YEATS4: variants seen among roughly 807,000 people sequenced by gnomAD.
YEATS4 encodes the protein YEATS domain-containing protein 4.
YEATS4 carries 17 observed loss-of-function variants against 30.1 expected under a neutral mutation model. The ratio of observed to expected loss-of-function variants is 0.56; its 90% CI spans 0.39 to 0.85. The LOEUF (loss-of-function observed/expected upper bound fraction) is 0.85. Among genes scored for constraint, YEATS4 ranks in the 40% least tolerant of loss-of-function variants. The pLI is 0.00. For missense variants in YEATS4, 142 were observed against 268.3 expected, an observed-to-expected ratio of 0.53 and a Z score of 3.29; for synonymous variants, 85 against 87.5, an observed-to-expected ratio of 0.97 and a Z score of 0.16.
the YEATS4 span, among the ~76,000 whole-genome samples, chr12:69,414,835 T>C: frequency 6.6e-6 from 1 of 152,226 alleles, no homozygotes. Flanking sequence ...TGATTGCTCA[T>C]CAGTGGCACT....
Position 69,390,304 on chromosome 12 carries a change from A to G in YEATS4, c.672A>G (p.Ala224=). 1 of 1,585,648 alleles carries G rather than the reference A, an allele frequency of 6.3e-7. No homozygotes were observed. Among genetic ancestry groups the G allele is most frequent in the Non-Finnish European group, 8.5e-7 (1 of 1,172,718 alleles). The stretch of plus-strand genomic sequence containing the variant: ...GAAAACTTGAAGAAGATGACCAAGC[A>G]AAAGACATATAAACAGTTCTCATGA... The part of the protein sequence containing the change: ...EIRKLEEDDQ[A]KDI Residue 224 remains alanine (A), a synonymous_variant, in exon 7 of 7, where the codon GCA becomes GCG. Transcript: ENST00000247843.
At chr12:69,421,942 C>A in the YEATS4 span, among the ~76,000 whole-genome samples, 1 of 152,154 alleles carries the variant, frequency 6.6e-6, no homozygotes, top group South Asian at 2.1e-4. Context: ...ATTTGAGCTA[C>A]CAGTTCTAGC....
At chr12:69,420,262 G>A in the YEATS4 span, among the ~76,000 whole-genome samples, 2 of 152,258 alleles carry the variant, frequency 1.3e-5, no homozygotes, top group South Asian at 4.2e-4. Flanking sequence ...TGAGAGGGAG[G>A]AGGCAGGGAG....
the YEATS4 span, among the ~76,000 whole-genome samples, chr12:69,396,568 T>A: frequency 6.6e-6 from 1 of 152,208 alleles, no homozygotes; most frequent in South Asian, 2.1e-4. Context: ...TTAAATCATG[T>A]TCTCATGATT....
chr12:69,385,647 C>A (rs982951203), intron 6 of YEATS4, among the ~76,000 whole-genome samples: 2 of 151,942 alleles, frequency 1.3e-5, no homozygotes, highest in Admixed American at 1.3e-4. Flanking sequence ...AACTTAGGCT[C>A]CAAAAATTTA....
At chr12:69,421,219 T>A in the YEATS4 span, among the ~76,000 whole-genome samples, 1 of 152,158 alleles carries the variant, frequency 6.6e-6, no homozygotes, top group Non-Finnish European at 1.5e-5. Context: ...TGTTTCCACC[T>A]TTTGGTATTA....
chr12:69,359,821 C>T lies in YEATS4; in HGVS notation c.-152C>T, dbSNP rs1306911039. The T allele has an allele frequency of 3.4e-6, 3 of 873,204 alleles. No homozygotes were observed. Among genetic ancestry groups the T allele is most frequent in the Non-Finnish European group, 5.2e-6 (3 of 572,774 alleles). The allele number at this position is 873,204 out of a possible 1,614,324, so 54.1% of individuals were successfully genotyped here. ...AGTCGGCCTGAGGAGTTGACGGTTA[C>T]TCACCGCCGTGAGCCCAAGTAACTC... On this transcript the variant is annotated 5_prime_UTR_variant, in exon 1 of 7. Coordinates refer to ENST00000247843, the MANE Select transcript of YEATS4 (RefSeq NM_006530.4).
the YEATS4 span, among the ~76,000 whole-genome samples, chr12:69,417,803 A>G: frequency 6.9e-6 from 1 of 145,110 alleles, no homozygotes; most frequent in Admixed American, 7.3e-5. Flanking sequence ...TAACGCTGGC[A>G]TTTTTGTTGC....
intron 1 of YEATS4, among the ~76,000 whole-genome samples, chr12:69,360,750 C>T (rs1205995174): frequency 6.6e-6 from 1 of 151,354 alleles, no homozygotes; most frequent in Non-Finnish European, 1.5e-5. Context: ...ACTGCAACCT[C>T]GGCCTCCCAA....
chr12:69,376,787 T>C (rs1875891278), intron 6 of YEATS4, among the ~76,000 whole-genome samples: 1 of 152,234 alleles, frequency 6.6e-6, no homozygotes, highest in South Asian at 2.1e-4. Flanking sequence ...TATTAGTTCT[T>C]CTTCAAATGT....
At chr12:69,386,318 G>A (rs1868250728) in intron 6 of YEATS4, among the ~76,000 whole-genome samples, 1 of 152,172 alleles carries the variant, frequency 6.6e-6, no homozygotes, top group African/African-American at 2.4e-5. Context: ...TGACAATTGA[G>A]TTAATCAGGT....
the YEATS4 span, among the ~76,000 whole-genome samples, chr12:69,412,657 CAAAT>C: frequency 2.0e-5 from 3 of 151,722 alleles, no homozygotes; most frequent in Non-Finnish European, 2.9e-5. Context: ...CGTCTCAAAA[CAAAT>C]AAATAAATAA....
intron 6 of YEATS4, among the ~76,000 whole-genome samples, chr12:69,386,950 A>G (rs1184703189): frequency 2.6e-5 from 4 of 152,232 alleles, no homozygotes; most frequent in Non-Finnish European, 5.9e-5. Flanking sequence ...ATAGAACATT[A>G]TAACAATGAA....
chr12:69,361,906 C>T (rs148546353), intron 1 of YEATS4, among the ~76,000 whole-genome samples: 2 of 151,502 alleles, frequency 1.3e-5, no homozygotes, highest in Non-Finnish European at 2.9e-5. Flanking sequence ...TTTGCCATGT[C>T]TGAATTCAAC....
chr12:69,409,636 A>G, the YEATS4 span, among the ~76,000 whole-genome samples: 8 of 151,682 alleles, frequency 5.3e-5, no homozygotes, highest in Admixed American at 2.6e-4. Flanking sequence ...AAAGATATAT[A>G]TATATATTAA....
At chr12:69,417,047 T>A in the YEATS4 span, among the ~76,000 whole-genome samples, 1 of 151,444 alleles carries the variant, frequency 6.6e-6, no homozygotes, top group Admixed American at 6.6e-5. Context: ...CACTCCAGCC[T>A]GGGCAACAAG....
chr12:69,381,448 T>C (rs1234806199), intron 6 of YEATS4, among the ~76,000 whole-genome samples: 3 of 152,176 alleles, frequency 2.0e-5, no homozygotes, highest in African/African-American at 7.2e-5. Context: ...CAAACACACA[T>C]GCTCTACAAA....
intron 1 of YEATS4, among the ~76,000 whole-genome samples, chr12:69,362,029 T>G (rs7958814): frequency 3.5e-5 from 2 of 57,254 alleles, no homozygotes. Context: ...TTTTTTTTTT[T>G]TTTTTGGAGA....
chr12:69,377,453 A>C (rs1203434677), intron 6 of YEATS4, among the ~76,000 whole-genome samples: 1 of 88,888 alleles, frequency 1.1e-5, no homozygotes, highest in Non-Finnish European at 2.2e-5. Context: ...GGAGCTGGGG[A>C]TCTCGCTGTG....
Sources: gnomAD v4.1 joint callset for allele counts (sites outside exome capture counted in the v4.1 genomes callset) on GRCh38, gnomAD v4.1.1 for gene constraint, MANE v1.5 for transcripts, NCBI Gene and HGNC (gene_info 2026-07-23, HGNC 2026-07-21) for gene names.